UGGT2: variants seen among roughly 807,000 people sequenced by gnomAD.
UGGT2 encodes UDP-glucose glycoprotein glucosyltransferase 2.
Under a neutral mutation model 192.1 loss-of-function variants are expected in UGGT2, and 180 were observed. That is an observed-to-expected ratio of 0.94 (90% CI 0.83 to 1.06). The LOEUF (loss-of-function observed/expected upper bound fraction) is 1.06, where lower values mean the gene tolerates loss of function less well. Among genes scored for constraint, UGGT2 ranks in the 50% least tolerant of loss-of-function variants. The pLI, the probability that UGGT2 is intolerant of heterozygous loss-of-function variation, is 0.00. For missense variants in UGGT2, 1,849 were observed against 1,795.7 expected (o/e 1.03, Z -0.54); for synonymous variants, 580 against 591.0 (o/e 0.98, Z 0.27).
chr13:95,966,684 A>G (rs35574277), intron 12 of UGGT2, among the ~76,000 whole-genome samples: 8,393 of 152,270 alleles, frequency 0.055, 361 homozygotes, highest in Non-Finnish European at 0.08. Context: ...TATGTAAAAT[A>G]TTGTGTATCA....
intron 17 of UGGT2, among the ~76,000 whole-genome samples, chr13:95,930,562 T>G (rs1241758127): frequency 6.6e-6 from 1 of 152,124 alleles, no homozygotes; most frequent in East Asian, 1.9e-4. Context: ...AGCTAAAATG[T>G]TTGTAGGTGT....
At position 95,902,858 on chromosome 13, in the gene UGGT2, A is replaced by G. The variant is rs199622790; in HGVS notation, c.2498T>C (p.Ile833Thr). 8.7e-6 allele frequency: 14 copies of G among 1,612,294 alleles called. No individual in the cohort carries two copies. Among genetic ancestry groups the G allele is most frequent in the East Asian group, 6.7e-5 (3 of 44,782 alleles). Residue 833 changes from isoleucine to threonine, a missense_variant, in exon 21 of 39, where the codon ATT (isoleucine) becomes ACT (threonine). Transcript: ENST00000376747. Reference sequence around the variant, plus strand: ...ATATTTCAAATAGCTACTGACCTCAATAAGGAATGTTTTAATTTTATCTCC... The same window carrying G: ...ATATTTCAAATAGCTACTGACCTCAGTAAGGAATGTTTTAATTTTATCTCC... The part of the protein sequence containing the change: ...YSGDKIKTFL[I>T]EGMDKNAFEK...
intron 17 of UGGT2, among the ~76,000 whole-genome samples, chr13:95,932,407 T>TGGTCTATAGAAATGCTAC: frequency 6.6e-6 from 1 of 151,606 alleles, no homozygotes; most frequent in African/African-American, 2.4e-5. Context: ...TTGAATGTTA[T>TGGTCTATAGAAATGCTAC]TGGTCTATAG....
chr13:95,837,242 T>C (rs1887390201), intron 36 of UGGT2, 40 bp from the exon 37 acceptor site: 2 of 1,426,218 alleles, frequency 1.4e-6, no homozygotes, highest in Admixed American at 3.4e-5. Flanking sequence ...GTATGAAATT[T>C]AGAGTCAGAA....
chr13:96,029,681 A>G (rs2052773813), intron 2 of UGGT2, among the ~76,000 whole-genome samples: 1 of 152,158 alleles, frequency 6.6e-6, no homozygotes, highest in South Asian at 2.1e-4. Flanking sequence ...GGTACTCCTG[A>G]GCTTATATTC....
intron 10 of UGGT2, among the ~76,000 whole-genome samples, chr13:95,983,344 A>G (rs1215053169): frequency 3.3e-5 from 5 of 152,158 alleles, no homozygotes; most frequent in African/African-American, 1.2e-4. Context: ...CACTTTACAA[A>G]TATTAACACA....
At chr13:96,027,353 T>TTATA (rs1229952833) in intron 2 of UGGT2, among the ~76,000 whole-genome samples, 2 of 152,186 alleles carry the variant, frequency 1.3e-5, no homozygotes, top group African/African-American at 4.8e-5. Flanking sequence ...AAAGTAAACT[T>TTATA]TTATAATTTA....
At chr13:96,003,634 T>G (rs1351855104) in intron 5 of UGGT2, among the ~76,000 whole-genome samples, 1 of 152,118 alleles carries the variant, frequency 6.6e-6, no homozygotes, top group Non-Finnish European at 1.5e-5. Flanking sequence ...CATCATGATG[T>G]GAAGAATCAT....
At chr13:95,864,679 T>C (rs531016083) in intron 30 of UGGT2, among the ~76,000 whole-genome samples, 1 of 152,366 alleles carries the variant, frequency 6.6e-6, no homozygotes, top group Admixed American at 6.5e-5. Context: ...ATTACTCATG[T>C]TATCTAATTG....
chr13:95,811,982 G>A (rs1418348335), intron 38 of UGGT2, among the ~76,000 whole-genome samples: 2 of 152,098 alleles, frequency 1.3e-5, no homozygotes, highest in African/African-American at 2.4e-5. Flanking sequence ...CAGAAAAATA[G>A]GAAATGGCTT....
intron 2 of UGGT2, among the ~76,000 whole-genome samples, chr13:96,029,346 G>C (rs1397337512): frequency 6.6e-6 from 1 of 152,032 alleles, no homozygotes; most frequent in Non-Finnish European, 1.5e-5. Flanking sequence ...CAGTCCAGTG[G>C]TGTGATCTCG....
At position 96,053,362 on chromosome 13, in the gene UGGT2, TG is replaced by T; in HGVS notation, c.-51del. The T allele has an allele frequency of 6.5e-7, 1 of 1,548,606 alleles. No individual in the cohort carries two copies. The highest frequency in any genetic ancestry group is 2.5e-5 in the East Asian group (1 of 40,468). ...CCTCGGACCCGGTACCCACAGTCTG[TG>T]GCCGCCACGCTTCGGCCGGCTCTTC... On this transcript the variant is annotated 5_prime_UTR_variant, in exon 1 of 39. Coordinates refer to ENST00000376747, the MANE Select transcript of UGGT2 (RefSeq NM_020121.4).
In UGGT2 at chr13:95,991,331, A is replaced by T. The variant is rs73562929; in HGVS notation, c.831-1258T>A. The T allele has an allele frequency of 9.9e-3, 3,339 of 335,858 alleles. 110 individuals are homozygous for T. The highest frequency in any genetic ancestry group is 0.067 in the African/African-American group (3,125 of 46,650). The allele number at this position is 335,858 out of a possible 1,614,324, so 20.8% of individuals were successfully genotyped here. On this transcript the variant is annotated intron_variant, in intron 7 of 38. Coordinates refer to ENST00000376747, the MANE Select transcript of UGGT2 (RefSeq NM_020121.4). Reference sequence around the variant, plus strand: ...TTCCACAACGGTTGAACTCATCTACACACACACCAACAGTGTAAAAGCCTT... The same window carrying T: ...TTCCACAACGGTTGAACTCATCTACTCACACACCAACAGTGTAAAAGCCTT...
At chr13:95,928,669 G>A (rs1308183225) in intron 17 of UGGT2, among the ~76,000 whole-genome samples, 1 of 152,058 alleles carries the variant, frequency 6.6e-6, no homozygotes, top group African/African-American at 2.4e-5. Context: ...TCACTTCCTA[G>A]ACGGGATGAC....
intron 5 of UGGT2, among the ~76,000 whole-genome samples, chr13:96,007,645 T>C (rs1325070735): frequency 6.6e-6 from 1 of 152,138 alleles, no homozygotes; most frequent in Non-Finnish European, 1.5e-5. Flanking sequence ...GTACTATTTA[T>C]ATACACAAAT....
At chr13:95,951,007 G>T (rs914535255) in intron 12 of UGGT2, among the ~76,000 whole-genome samples, 1 of 152,182 alleles carries the variant, frequency 6.6e-6, no homozygotes, top group Non-Finnish European at 1.5e-5. Flanking sequence ...AATAATACTT[G>T]AAGAAATTAG....
At chr13:96,034,144 GCCTGT>G (rs1184761135) in intron 1 of UGGT2, among the ~76,000 whole-genome samples, 4 of 152,162 alleles carry the variant, frequency 2.6e-5, no homozygotes, top group Non-Finnish European at 5.9e-5. Context: ...GAGATGACCT[GCCTGT>G]GGATAGGAGC....
intron 20 of UGGT2, among the ~76,000 whole-genome samples, chr13:95,908,556 C>T (rs2048367140): frequency 6.6e-6 from 1 of 152,078 alleles, no homozygotes; most frequent in Admixed American, 6.6e-5. Flanking sequence ...TAGTTACAGT[C>T]CCACCAACAG....
chr13:95,935,056 T>G lies in UGGT2; in HGVS notation c.1977+1868A>C, dbSNP rs112340592. Among the ~76,000 whole-genome samples the G allele has an allele frequency of 8.4e-3, 1,280 of 151,998 alleles. 14 individuals carry two copies. The highest frequency in any genetic ancestry group is 0.029 in the African/African-American group (1,211 of 41,290). On this transcript the variant is annotated intron_variant, in intron 17 of 38. Transcript: ENST00000376747. ...ATCTAAGAATAGCAACTCCTGGTTT[T>G]GTTTTGTTTTGTTTGCATGATAATT...
Sources: gnomAD v4.1 joint callset for allele counts (sites outside exome capture counted in the v4.1 genomes callset) on GRCh38, gnomAD v4.1.1 for gene constraint, MANE v1.5 for transcripts, NCBI Gene and HGNC (gene_info 2026-07-23, HGNC 2026-07-21) for gene names.